Variants in HHIP observed in about 807,000 individuals in gnomAD.
HHIP encodes the protein hedgehog interacting protein.
A neutral mutation model predicts 74.0 loss-of-function variants in HHIP; 12 were observed. The observed-to-expected ratio is 0.16, with a 90% CI of 0.10 to 0.26. The LOEUF is 0.26. Among genes scored for constraint, HHIP ranks in the 10% least tolerant of loss-of-function variants. HHIP has a pLI of 1.00. For synonymous variants in HHIP, 309 were observed against 311.6 expected (o/e 0.99, Z 0.09); for missense variants, 788 against 845.0 (o/e 0.93, Z 0.84).
chr4:144,735,634 C>T (rs1238652560), intron 12 of HHIP, among the ~76,000 whole-genome samples: 2 of 152,052 alleles, frequency 1.3e-5, no homozygotes, highest in African/African-American at 4.8e-5. Context: ...CAGCATATAC[C>T]ATCACTTAGA....
chr4:144,663,899 G>T (rs1728784776), intron 4 of HHIP, among the ~76,000 whole-genome samples: 1 of 152,180 alleles, frequency 6.6e-6, no homozygotes, highest in South Asian at 2.1e-4. Flanking sequence ...AAATGCCCCT[G>T]ACTGCCAAGA....
At chr4:144,684,496 G>A (rs770447644) in intron 4 of HHIP, among the ~76,000 whole-genome samples, 18 of 150,854 alleles carry the variant, frequency 1.2e-4, no homozygotes, top group Non-Finnish European at 2.4e-4. Flanking sequence ...AGCTAAGATG[G>A]TCTCAATCTC....
intron 4 of HHIP, among the ~76,000 whole-genome samples, chr4:144,664,556 A>G (rs1728807603): frequency 6.6e-6 from 1 of 152,234 alleles, no homozygotes; most frequent in East Asian, 1.9e-4. Context: ...CTTGAGTGAA[A>G]TGAATCAAAG....
intron 1 of HHIP, chr4:144,651,042 T>A (rs1256318160): frequency 6.6e-6 from 1 of 152,140 alleles, no homozygotes; most frequent in Non-Finnish European, 1.5e-5. Flanking sequence ...TGCCATATGA[T>A]AAACAAACAG....
At chr4:144,654,918 A>G (rs1274069838) in intron 2 of HHIP, 1 of 152,218 alleles carries the variant, frequency 6.6e-6, no homozygotes, top group Non-Finnish European at 1.5e-5. Context: ...TTGAAGAGGA[A>G]GGTACCCCGA....
chr4:144,707,225 T>C lies in HHIP; in HGVS notation c.1122T>C (p.Ile374=). ...ACATCATTCTTGGTGATGGGATGATTACACTGGATGATATGGAAGAAATGG... is the reference window on the plus strand; with the variant it reads ...ACATCATTCTTGGTGATGGGATGATCACACTGGATGATATGGAAGAAATGG... The part of the protein sequence containing the change: ...FLYIILGDGM[I]TLDDMEEMDG... The change falls in exon 6 of 13, where the codon ATT becomes ATC. Residue 374 remains isoleucine (I), a synonymous_variant. Transcript: ENST00000296575. 1 of 1,613,660 alleles carries C rather than the reference T, an allele frequency of 6.2e-7. No homozygotes were observed. Among genetic ancestry groups the C allele is most frequent in the Non-Finnish European group, 8.5e-7 (1 of 1,179,838 alleles).
chr4:144,663,792 T>C (rs1307200896), intron 4 of HHIP, among the ~76,000 whole-genome samples: 1 of 152,190 alleles, frequency 6.6e-6, no homozygotes, highest in East Asian at 1.9e-4. Context: ...AAATTGCTAT[T>C]GTTCCTGTTC....
intron 4 of HHIP, among the ~76,000 whole-genome samples, chr4:144,691,767 A>G (rs575186895): frequency 1.3e-5 from 2 of 152,258 alleles, no homozygotes; most frequent in South Asian, 4.1e-4. Flanking sequence ...TGAAAAGTCT[A>G]AGTACCATCA....
At chr4:144,685,418 G>A (rs962223669) in intron 4 of HHIP, among the ~76,000 whole-genome samples, 6 of 152,160 alleles carry the variant, frequency 3.9e-5, no homozygotes, top group African/African-American at 1.4e-4. Flanking sequence ...TACTATGTGT[G>A]ATATTAAATA....
intron 4 of HHIP, among the ~76,000 whole-genome samples, chr4:144,701,084 G>A (rs1026543530): frequency 6.6e-6 from 1 of 152,234 alleles, no homozygotes; most frequent in Admixed American, 6.5e-5. Context: ...AAATGTGAAA[G>A]CCTGCCTTAT....
At chr4:144,711,712 T>G (rs1266044073) in intron 7 of HHIP, among the ~76,000 whole-genome samples, 1 of 152,246 alleles carries the variant, frequency 6.6e-6, no homozygotes, top group Non-Finnish European at 1.5e-5. Context: ...TGCATATTTA[T>G]AACATAAGAA....
rs1156650564 is a variant in HHIP, at chr4:144,711,958, T to C, written c.1310T>C (p.Val437Ala). 2 of 1,612,294 alleles carry C rather than the reference T, an allele frequency of 1.2e-6. No individual in the cohort carries two copies. Among genetic ancestry groups the C allele is most frequent in the Non-Finnish European group, 1.7e-6 (2 of 1,179,016 alleles). Residue 437 changes from valine (V) to alanine (A), a missense_variant, in exon 8 of 13, where the codon GTG (valine) becomes GCG (alanine). Transcript: ENST00000296575. Reference sequence around the variant, plus strand: ...CCCCTCTTGTTATGCAGATGTGCTGTGGATAGACATCCCACTGATATAAAC... The same window carrying C: ...CCCCTCTTGTTATGCAGATGTGCTGCGGATAGACATCCCACTGATATAAAC... ...HGLHDPGRCA[V>A]DRHPTDININ... is the part of the protein sequence containing the mutation.
At chr4:144,674,358 A>G (rs903982446) in intron 4 of HHIP, among the ~76,000 whole-genome samples, 12 of 152,232 alleles carry the variant, frequency 7.9e-5, no homozygotes, top group Non-Finnish European at 1.2e-4. Flanking sequence ...ATCTTATGTC[A>G]AAAAATAAAA....
At chr4:144,685,055 A>C (rs1729451621) in intron 4 of HHIP, among the ~76,000 whole-genome samples, 1 of 152,202 alleles carries the variant, frequency 6.6e-6, no homozygotes, top group Non-Finnish European at 1.5e-5. Flanking sequence ...GCACTGCTCA[A>C]CTTACACTGA....
chr4:144,687,751 CTTTTTTTTT>C (rs5862719), intron 4 of HHIP, among the ~76,000 whole-genome samples: 22 of 73,470 alleles, frequency 3.0e-4, no homozygotes, highest in East Asian at 2.3e-3. Flanking sequence ...CTTTTGGCAA[CTTTTTTTTT>C]TTTTTTTTTT....
chr4:144,726,250 G>A (rs1468979206), intron 11 of HHIP, among the ~76,000 whole-genome samples: 1 of 151,916 alleles, frequency 6.6e-6, no homozygotes, highest in African/African-American at 2.4e-5. Flanking sequence ...TTTATTTTGT[G>A]TCATATCAGA....
chr4:144,743,701 G>C lies in HHIP; in HGVS notation c.*5744G>C, dbSNP rs1290329524. 1.3e-5 allele frequency: 2 copies of C among 151,762 alleles called. No individual in the cohort carries two copies. The highest frequency in any genetic ancestry group is 3.9e-4 in the East Asian group (2 of 5,190). 9.4% of individuals were successfully genotyped at this position (151,762 alleles called of 1,614,324 possible). On this transcript the variant is annotated 3_prime_UTR_variant, in exon 13 of 13. Coordinates refer to ENST00000296575, the MANE Select transcript of HHIP (RefSeq NM_022475.3). The stretch of plus-strand genomic sequence containing the variant: ...ATCTCAATTGACTATAATCTTCTAA[G>C]TCAAAAAGAAAACATTTAAGTACAT...
chr4:144,658,899 C>A lies in HHIP; in HGVS notation c.582C>A (p.Asn194Lys), dbSNP rs201921220. 6.2e-7 allele frequency: 1 copy of A among 1,613,466 alleles called. No homozygotes were observed. Among genetic ancestry groups the A allele is most frequent in the South Asian group, 1.1e-5 (1 of 91,060 alleles). The change falls in exon 3 of 13, where the codon AAC becomes AAA. Residue 194 changes from asparagine to lysine, a missense_variant. Physicochemically the swap from Asn to Lys is moderately conservative, Grantham distance 94 (BLOSUM62 0). Transcript: ENST00000296575. ...AACAAGTCAGAGGACCAGCATCTAA[C>A]TACTTGGACCAGATGGAAGAATATG... ...PRKQVRGPASNYLDQMEEYDK... is the reference protein window; with the variant it reads ...PRKQVRGPASKYLDQMEEYDK...
intron 4 of HHIP, among the ~76,000 whole-genome samples, chr4:144,671,981 C>A (rs1729052057): frequency 6.6e-6 from 1 of 152,092 alleles, no homozygotes; most frequent in Non-Finnish European, 1.5e-5. Context: ...AAGACTCCAT[C>A]ACAAATAAAT....
Sources: allele counts gnomAD v4.1 joint callset (sites outside exome capture counted in the v4.1 genomes callset), GRCh38; gene constraint gnomAD v4.1.1; transcripts MANE v1.5; gene names NCBI Gene and HGNC (gene_info 2026-07-23, HGNC 2026-07-21).